LAMA2: variants seen among roughly 807,000 people sequenced by gnomAD.
LAMA2 encodes the protein laminin subunit alpha 2.
In LAMA2, 269 loss-of-function variants were observed where a neutral mutation model predicts 364.8. The observed-to-expected ratio is 0.74, with a 90% CI of 0.67 to 0.82. The LOEUF (loss-of-function observed/expected upper bound fraction) is 0.82. LAMA2 is among the 40% of genes least tolerant of loss of function. LAMA2 has a pLI of 0.00. For missense variants in LAMA2, 3,807 were observed against 3,873.2 expected, an observed-to-expected ratio of 0.98 and a Z score of 0.45; for synonymous variants, 1,379 against 1,370.6, an observed-to-expected ratio of 1.01 and a Z score of -0.14.
intron 1 of LAMA2, among the ~76,000 whole-genome samples, chr6:128,902,923 T>C (rs929875883): frequency 4.6e-5 from 7 of 152,194 alleles, no homozygotes; most frequent in Non-Finnish European, 8.8e-5. Context: ...TCTTACTCCT[T>C]CTTTCACTTT....
chr6:129,243,117 C>T (rs1165223847), intron 12 of LAMA2, among the ~76,000 whole-genome samples: 1 of 152,080 alleles, frequency 6.6e-6, no homozygotes, highest in African/African-American at 2.4e-5. Flanking sequence ...TATGAGAACT[C>T]CTAATTGTCT....
intron 1 of LAMA2, 135 bp from the exon 2 acceptor site, chr6:129,049,783 G>T (rs1787861905): frequency 2.7e-6 from 2 of 743,968 alleles, no homozygotes; most frequent in Admixed American, 4.0e-5. Flanking sequence ...GAATTGTCAG[G>T]TATTTATCAT....
rs559484719 is a variant in LAMA2 at position 129,174,371 on chromosome 6, A to G, written c.1307-3335A>G. Among the ~76,000 whole-genome samples, 520 of 152,066 alleles carry G rather than the reference A, an allele frequency of 3.4e-3. 4 individuals carry two copies. Among genetic ancestry groups the G allele is most frequent in the African/African-American group, 0.012 (488 of 41,506 alleles). ...TCAGCTCTTTAGACATATTAAATAT[A>G]TTTATTTTATTTTCGGAATCTGTTA... On this transcript the variant is annotated intron_variant, in intron 9 of 64. Transcript: ENST00000421865.
intron 4 of LAMA2, among the ~76,000 whole-genome samples, chr6:129,133,034 A>G (rs917872862): frequency 2.0e-5 from 3 of 152,214 alleles, no homozygotes; most frequent in Non-Finnish European, 2.9e-5. Context: ...ATGCAATCAC[A>G]CAAAGTATCA....
At chr6:129,244,706 A>T (rs927788836) in intron 12 of LAMA2, among the ~76,000 whole-genome samples, 3 of 151,922 alleles carry the variant, frequency 2.0e-5, no homozygotes, top group Non-Finnish European at 2.9e-5. Context: ...TCCTCAATTC[A>T]TATTTCTTGA....
intron 1 of LAMA2, among the ~76,000 whole-genome samples, chr6:128,944,298 C>T (rs1376132090): frequency 6.6e-6 from 1 of 152,086 alleles, no homozygotes; most frequent in Non-Finnish European, 1.5e-5. Flanking sequence ...ATCAGGACTT[C>T]TTATGTTCAC....
Position 129,260,892 on chromosome 6 carries a change from A to G in LAMA2, c.2208+70A>G, listed in dbSNP as rs1208696607. 6 of 903,768 alleles carry G rather than the reference A, an allele frequency of 6.6e-6. No homozygotes were observed. In the African/African-American group the frequency reaches 8.2e-5, roughly 12 times the overall value. The allele number at this position is 903,768 out of a possible 1,614,324, so 56.0% of individuals were successfully genotyped here. A position where few individuals can be genotyped will look rare whatever the true frequency, so the allele number is the denominator to read the frequency against. On this transcript the variant is annotated intron_variant, in intron 15 of 64. Transcript: ENST00000421865. ...AACATTGCTTTCAATAACCTATTCTAATAAGAGCTGTTTTTTTTCTATCAA... is the reference window on the plus strand; with the variant it reads ...AACATTGCTTTCAATAACCTATTCTGATAAGAGCTGTTTTTTTTCTATCAA...
chr6:129,286,994 A>G (rs1467322155), intron 18 of LAMA2, among the ~76,000 whole-genome samples: 1 of 96,808 alleles, frequency 1.0e-5, no homozygotes, highest in Non-Finnish European at 1.9e-5. Context: ...GAAGGAAGGA[A>G]GGGAGGAAAG....
intron 41 of LAMA2, among the ~76,000 whole-genome samples, chr6:129,436,021 G>A (rs1646723369): frequency 1.3e-5 from 2 of 152,170 alleles, no homozygotes; most frequent in Admixed American, 1.3e-4. Context: ...TGGGTACCAG[G>A]AAAGTGATGA....
chr6:128,902,427 C>T (rs1291813696), intron 1 of LAMA2, among the ~76,000 whole-genome samples: 1 of 152,116 alleles, frequency 6.6e-6, no homozygotes, highest in Non-Finnish European at 1.5e-5. Flanking sequence ...GAGACAAATT[C>T]CACCTTTCTC....
intron 1 of LAMA2, among the ~76,000 whole-genome samples, chr6:129,038,780 A>G (rs1786863739): frequency 6.6e-6 from 1 of 152,228 alleles, no homozygotes; most frequent in Non-Finnish European, 1.5e-5. Flanking sequence ...GAGGTAGGAC[A>G]CTGCATACCC....
At chr6:129,035,720 C>T (rs1004935031) in intron 1 of LAMA2, among the ~76,000 whole-genome samples, 1 of 151,710 alleles carries the variant, frequency 6.6e-6, no homozygotes, top group East Asian at 1.9e-4. Flanking sequence ...CTTCCGCTAG[C>T]CAGTTATTAA....
chr6:129,096,036 G>T (rs576452599), intron 3 of LAMA2, among the ~76,000 whole-genome samples: 212 of 152,230 alleles, frequency 1.4e-3, no homozygotes, highest in African/African-American at 4.9e-3. Context: ...GGGATTATCA[G>T]TAGTTAGGAC....
rs1774835272 is a variant in LAMA2, at chr6:129,319,716, A to G, written c.4059-822A>G. On this transcript the variant is annotated intron_variant, in intron 27 of 64. Coordinates refer to ENST00000421865, the MANE Select transcript of LAMA2 (RefSeq NM_000426.4). ...CTTTTGATACCTTCAAAACTTAACT[A>G]CTAATAGCCTCCTGTTGAACAGAAG... Among the ~76,000 whole-genome samples the G allele has an allele frequency of 3.3e-5, 5 of 152,178 alleles. No individual in the cohort carries two copies. The South Asian group carries it at 1.0e-3, about 31-fold the overall frequency.
intron 1 of LAMA2, among the ~76,000 whole-genome samples, chr6:129,026,194 T>C (rs1200573213): frequency 2.0e-5 from 3 of 151,380 alleles, no homozygotes; most frequent in African/African-American, 7.2e-5. Context: ...ATGATATCAA[T>C]TATCTTTCTG....
intron 31 of LAMA2, among the ~76,000 whole-genome samples, chr6:129,350,240 A>G (rs1418916853): frequency 1.3e-5 from 2 of 152,248 alleles, no homozygotes; most frequent in Non-Finnish European, 2.9e-5. Context: ...ATAGCAGTAT[A>G]AAAGTTTTAG....
intron 28 of LAMA2, 74 bp downstream of exon 28, chr6:129,320,729 C>A: frequency 2.5e-6 from 2 of 797,992 alleles, no homozygotes; most frequent in Non-Finnish European, 4.5e-6. Context: ...CCAGAAGTAC[C>A]TTTACTGCAT....
intron 1 of LAMA2, among the ~76,000 whole-genome samples, chr6:128,892,965 C>A (rs1003597690): frequency 1.3e-5 from 2 of 151,890 alleles, no homozygotes; most frequent in Non-Finnish European, 2.9e-5. Flanking sequence ...GAAAATATTT[C>A]AGACAAAACA....
chr6:129,256,202 G>A (rs1786651508), intron 14 of LAMA2, among the ~76,000 whole-genome samples: 1 of 152,134 alleles, frequency 6.6e-6, no homozygotes, highest in South Asian at 2.1e-4. Context: ...AGTCATGCTT[G>A]GGTTTGAATC....
Sources: gnomAD v4.1 joint callset for allele counts (sites outside exome capture counted in the v4.1 genomes callset) on GRCh38, gnomAD v4.1.1 for gene constraint, MANE v1.5 for transcripts, NCBI Gene and HGNC (gene_info 2026-07-23, HGNC 2026-07-21) for gene names.